Variants in GABRA2 observed in about 807,000 individuals in gnomAD.
The protein encoded by GABRA2 is gamma-aminobutyric acid receptor subunit alpha-2.
In GABRA2, 16 loss-of-function variants were observed where a neutral mutation model predicts 48.7. The observed-to-expected ratio is 0.33, with a 90% CI of 0.22 to 0.50. The LOEUF (loss-of-function observed/expected upper bound fraction) is 0.50, where lower values mean the gene tolerates loss of function less well. Ranked by LOEUF, GABRA2 falls within the 20% of genes least tolerant of loss-of-function variation. GABRA2 has a pLI of 0.98. For synonymous variants in GABRA2, 185 were observed against 184.5 expected (o/e 1.00, Z -0.02); for missense variants, 275 against 535.6 (o/e 0.51, Z 4.80).
At chr4:46,329,557 T>A (rs1160481826) in intron 4 of GABRA2, among the ~76,000 whole-genome samples, 1 of 152,074 alleles carries the variant, frequency 6.6e-6, no homozygotes, top group Non-Finnish European at 1.5e-5. Flanking sequence ...AGGGAAAGGG[T>A]GTTCTTTCCA....
chr4:46,365,076 C>A (rs180893467), intron 3 of GABRA2: 1 of 152,172 alleles, frequency 6.6e-6, no homozygotes, highest in East Asian at 1.9e-4. Context: ...TCACTAATGG[C>A]TAATATTTAT....
In GABRA2 at chr4:46,389,835, GAGAGAGA is replaced by G. The variant is rs1718004040; in HGVS notation, c.-118_-112del. 1.0e-6 allele frequency: 1 copy of G among 972,772 alleles called. No homozygotes were observed. The highest frequency in any genetic ancestry group is 6.6e-5 in the Admixed American group (1 of 15,122). The allele number at this position is 972,772 out of a possible 1,614,324, so 60.3% of individuals were successfully genotyped here. A position where few individuals can be genotyped will look rare whatever the true frequency, so the allele number is the denominator to read the frequency against. ...AGAGAGAGAGAGAGAGAGAGAGAGA[GAGAGAGA>G]GAGAGAGAGAGAGAGAGAGACCGAG... On this transcript the variant is annotated 5_prime_UTR_variant, in exon 1 of 10. Transcript: ENST00000381620.
intron 3 of GABRA2, among the ~76,000 whole-genome samples, chr4:46,383,982 AT>A (rs776406586): frequency 6.6e-6 from 1 of 152,212 alleles, no homozygotes; most frequent in Admixed American, 6.5e-5. Context: ...GAGAGAAAGA[AT>A]TGATATCATT....
intron 3 of GABRA2, among the ~76,000 whole-genome samples, chr4:46,372,403 T>C (rs917500933): frequency 1.3e-5 from 2 of 152,026 alleles, no homozygotes; most frequent in Non-Finnish European, 2.9e-5. Context: ...GCCTTAACCA[T>C]AGATAGGATA....
intron 8 of GABRA2, among the ~76,000 whole-genome samples, chr4:46,264,986 CAT>C (rs72160209): frequency 0.012 from 1,318 of 107,404 alleles, 60 homozygotes; most frequent in Non-Finnish European, 0.019. Flanking sequence ...TTACTTTATA[CAT>C]ATATATATAT....
At position 46,272,900 on chromosome 4, in the gene GABRA2, C is replaced by G. The variant is rs559769736; in HGVS notation, c.857-10772G>C. ...ACTTACTTTCAAGAGCAATGGGAAACTATTTTTTATTATAATGTAAGTTCT... is the reference window on the plus strand; with the variant it reads ...ACTTACTTTCAAGAGCAATGGGAAAGTATTTTTTATTATAATGTAAGTTCT... On this transcript the variant is annotated intron_variant, in intron 8 of 9. Transcript: ENST00000381620. Among the ~76,000 whole-genome samples the G allele has an allele frequency of 3.5e-4, 53 of 151,994 alleles. 1 individual carries two copies. The highest frequency in any genetic ancestry group is 1.2e-3 in the African/African-American group (50 of 41,516).
At chr4:46,265,803 A>G (rs1056826789) in intron 8 of GABRA2, among the ~76,000 whole-genome samples, 6 of 151,862 alleles carry the variant, frequency 4.0e-5, no homozygotes, top group Admixed American at 6.6e-5. Context: ...TCTTTTTAAC[A>G]TAAGTGGTTA....
intron 8 of GABRA2, 63 bp downstream of exon 8, chr4:46,303,397 A>C: frequency 6.9e-7 from 1 of 1,445,524 alleles, no homozygotes. Flanking sequence ...CAAGAGAGAT[A>C]ATGTTTTTGA....
chr4:46,285,813 C>CAAAAAATATTTATTTT (rs1722448015), intron 8 of GABRA2, among the ~76,000 whole-genome samples: 5 of 151,622 alleles, frequency 3.3e-5, no homozygotes, highest in Admixed American at 1.3e-4. Context: ...TCACATTTGG[C>CAAAAAATATTTATTTT]CATACCTATG....
At chr4:46,357,616 T>C (rs1022236283) in intron 3 of GABRA2, among the ~76,000 whole-genome samples, 1 of 151,360 alleles carries the variant, frequency 6.6e-6, no homozygotes, top group Non-Finnish European at 1.5e-5. Flanking sequence ...AGTAAACAAA[T>C]AGACTAAAAT....
chr4:46,251,554 T>C (rs2109379943), intron 9 of GABRA2, among the ~76,000 whole-genome samples: 1 of 151,472 alleles, frequency 6.6e-6, no homozygotes, highest in African/African-American at 2.4e-5. Flanking sequence ...ATATACCATC[T>C]CCCCACCCCA....
Position 46,249,028 on chromosome 4 carries a change from C to CTG in GABRA2, c.*1278_*1279dup, listed in dbSNP as rs1444824447. On this transcript the variant is annotated 3_prime_UTR_variant, in exon 10 of 10. Transcript: ENST00000381620. ...TTTAAAATTGTGTTTTCTAATTTAG[C>CTG]TGTGTATGTGTGTGTGTGTGTGTGT... 7 of 48,030 alleles carry CTG rather than the reference C, an allele frequency of 1.5e-4. No individual in the cohort carries two copies. Among genetic ancestry groups the CTG allele is most frequent in the African/African-American group, 5.1e-4 (7 of 13,606 alleles). 3.0% of individuals were successfully genotyped at this position (48,030 alleles called of 1,614,324 possible).
At position 46,244,546 on chromosome 4, in the gene GABRA2, A is replaced by G. The variant is rs1166104514; in HGVS notation, c.*5762T>C. 1.3e-5 allele frequency among the ~76,000 whole-genome samples: 2 copies of G among 151,526 alleles called. No individual in the cohort carries two copies. Among genetic ancestry groups the G allele is most frequent in the Non-Finnish European group, 3.0e-5 (2 of 67,642 alleles). ...ATCCCTTGGGATCAATTCAGGCGTCATTCTATAAACGGTAACTTACAACAA... is the reference window on the plus strand; with the variant it reads ...ATCCCTTGGGATCAATTCAGGCGTCGTTCTATAAACGGTAACTTACAACAA... On this transcript the variant is annotated 3_prime_UTR_variant, in exon 10 of 10. Transcript: ENST00000381620.
chr4:46,343,563 A>G (rs1269080616), intron 3 of GABRA2, among the ~76,000 whole-genome samples: 3 of 152,140 alleles, frequency 2.0e-5, no homozygotes, highest in Admixed American at 6.6e-5. Flanking sequence ...GGAAATGAAA[A>G]AAAGTACAGA....
chr4:46,322,369 A>C (rs2109756989), intron 4 of GABRA2, among the ~76,000 whole-genome samples: 1 of 151,896 alleles, frequency 6.6e-6, no homozygotes, highest in African/African-American at 2.4e-5. Flanking sequence ...TGAAGTAAAA[A>C]CACTCTCACA....
chr4:46,247,823 G>T lies in GABRA2; in HGVS notation c.*2485C>A, dbSNP rs1240870029. Among the ~76,000 whole-genome samples, 1 of 151,192 alleles carries T rather than the reference G, an allele frequency of 6.6e-6. No homozygotes were observed. Among genetic ancestry groups the T allele is most frequent in the Non-Finnish European group, 1.5e-5 (1 of 67,454 alleles). ...CGGAGCATCCCTAGTCTCCCCACAA[G>T]AGAAGAAGCTCCTTTTGATTTATTT... On this transcript the variant is annotated 3_prime_UTR_variant, in exon 10 of 10. Coordinates refer to ENST00000381620, the MANE Select transcript of GABRA2 (RefSeq NM_000807.4).
intron 3 of GABRA2, chr4:46,368,180 A>G (rs542647293): frequency 1.1e-4 from 16 of 152,134 alleles, no homozygotes; most frequent in African/African-American, 3.6e-4. Flanking sequence ...TGATCGAGAG[A>G]TAAAACTGGA....
rs530230630 is a variant in GABRA2, at chr4:46,357,666, CTT to C, written c.188-24986_188-24985del. Among the ~76,000 whole-genome samples, 1,220 of 133,012 alleles carry C rather than the reference CTT, an allele frequency of 9.2e-3. 13 individuals carry two copies. The highest frequency in any genetic ancestry group is 0.032 in the African/African-American group (1,140 of 35,220). The allele number at this position is 133,012 out of a possible 152,430, so 87.3% of individuals were successfully genotyped here. A position where few individuals can be genotyped will look rare whatever the true frequency, so the allele number is the denominator to read the frequency against. On this transcript the variant is annotated intron_variant, in intron 3 of 9. Transcript: ENST00000381620. ...AGCTTTTTTATTTTTTATTTTCTTT[CTT>C]TTTTTTTTTTTTTTTGACAGTCTTG...
At chr4:46,266,518 G>A (rs977168653) in intron 8 of GABRA2, among the ~76,000 whole-genome samples, 4 of 150,736 alleles carry the variant, frequency 2.7e-5, no homozygotes, top group African/African-American at 9.7e-5. Context: ...CCTTTTATAT[G>A]AGGTGTTACT....
Sources: gnomAD v4.1 joint callset for allele counts (sites outside exome capture counted in the v4.1 genomes callset) on GRCh38, gnomAD v4.1.1 for gene constraint, MANE v1.5 for transcripts, NCBI Gene and HGNC (gene_info 2026-07-23, HGNC 2026-07-21) for gene names.